Variants in NDUFAF7 observed in about 807,000 individuals in gnomAD.
NDUFAF7 encodes the protein protein arginine methyltransferase NDUFAF7, mitochondrial.
A neutral mutation model predicts 47.2 loss-of-function variants in NDUFAF7; 48 were observed. That is an observed-to-expected ratio of 1.02 (90% CI 0.81 to 1.29). The LOEUF (loss-of-function observed/expected upper bound fraction) is 1.29, where lower values mean the gene tolerates loss of function less well. Ranked by LOEUF, NDUFAF7 falls within the 50% of genes most tolerant of loss-of-function variation. The pLI, the probability that NDUFAF7 is intolerant of heterozygous loss-of-function variation, is 0.00. For synonymous variants in NDUFAF7, 217 were observed against 190.0 expected (o/e 1.14, Z -1.17); for missense variants, 635 against 537.6 (o/e 1.18, Z -1.79).
rs765851936 is a variant in NDUFAF7 at position 37,237,830 on chromosome 2, G to T, written c.371G>T (p.Gly124Val). The change falls in exon 4 of 10, where the codon GGC becomes GTC. Residue 124 changes from glycine to valine, a missense_variant. Coordinates refer to ENST00000002125, the MANE Select transcript of NDUFAF7 (RefSeq NM_144736.5). Reference sequence around the variant, plus strand: ...ACAGCTTTCCAGCTGGTGGAACTGGGCCCAGGTAGGGGAACCCTCGTGGGA... The same window carrying T: ...ACAGCTTTCCAGCTGGTGGAACTGGTCCCAGGTAGGGGAACCCTCGTGGGA... ...KSTAFQLVEL[G>V]PGRGTLVGDI... is the part of the protein sequence containing the mutation. 3 of 1,613,650 alleles carry T rather than the reference G, an allele frequency of 1.9e-6. No homozygotes were observed. Among genetic ancestry groups the T allele is most frequent in the Non-Finnish European group, 2.5e-6 (3 of 1,179,588 alleles).
the NDUFAF7 span, among the ~76,000 whole-genome samples, chr2:37,261,632 T>A: frequency 8.6e-3 from 1,290 of 150,734 alleles, 28 homozygotes; most frequent in African/African-American, 0.03. Context: ...AATACAAAAT[T>A]AGCCGGGTGT....
the NDUFAF7 span, among the ~76,000 whole-genome samples, chr2:37,267,150 G>A: frequency 6.6e-6 from 1 of 152,010 alleles, no homozygotes. Context: ...AAACTGGATG[G>A]GTAAAACAGC....
intron 8 of NDUFAF7, 197 bp from the exon 9 acceptor site, chr2:37,247,259 C>G (rs1667027779): frequency 3.1e-6 from 2 of 644,440 alleles, no homozygotes; most frequent in Admixed American, 2.8e-5. Context: ...TGTAGTGTAT[C>G]TCAGGTGATT....
chr2:37,256,974 T>C (rs779457932), downstream of NDUFAF7: 2 of 1,596,300 alleles, frequency 1.3e-6, no homozygotes, highest in Admixed American at 1.7e-5. Flanking sequence ...TAGTGTTATA[T>C]ATGTAACTAC....
intron 4 of NDUFAF7, among the ~76,000 whole-genome samples, chr2:37,239,021 A>G (rs367999397): frequency 1.3e-5 from 2 of 152,110 alleles, no homozygotes; most frequent in East Asian, 1.9e-4. Flanking sequence ...AAAGTCTGTC[A>G]ACACCAAGTA....
rs569985642 is a variant in NDUFAF7 at position 37,239,610 on chromosome 2, G to A, written c.408+1743G>A. 1.4e-4 allele frequency among the ~76,000 whole-genome samples: 22 copies of A among 152,264 alleles called. No homozygotes were observed. The East Asian group carries it at 2.1e-3, about 15-fold the overall frequency. On this transcript the variant is annotated intron_variant, in intron 4 of 9. Transcript: ENST00000002125. ...GAAAATAACAGCACAAATGCCCATCGGGGGGTAAATGAATCAGTTAATTGT... is the reference window on the plus strand; with the variant it reads ...GAAAATAACAGCACAAATGCCCATCAGGGGGTAAATGAATCAGTTAATTGT...
chr2:37,252,359 G>C, downstream of NDUFAF7: 1 of 152,204 alleles, frequency 6.6e-6, no homozygotes, highest in East Asian at 1.9e-4. Flanking sequence ...GATGGTGTCA[G>C]TCAGAACATG....
Position 37,236,157 on chromosome 2 carries a change from T to G in NDUFAF7, c.278T>G (p.Ile93Arg), listed in dbSNP as rs1164800527. Residue 93 changes from isoleucine (I) to arginine (R), a missense_variant, in exon 3 of 10, where the codon ATA (isoleucine) becomes AGA (arginine). Transcript: ENST00000002125. ...GGAGATTTCATTACTTCACCTGAAA[T>G]AAGTCAAATCTTTGGGGAGGTAATA... Reference protein sequence around the residue: ...EKGDFITSPEISQIFGELLGI... With the variant: ...EKGDFITSPERSQIFGELLGI... The G allele has an allele frequency of 6.2e-7, 1 of 1,611,624 alleles. No individual in the cohort carries two copies. The highest frequency in any genetic ancestry group is 1.3e-5 in the African/African-American group (1 of 74,862).
At chr2:37,253,430 T>C (rs530498557), downstream of NDUFAF7, 17 of 1,298,554 alleles carry the variant, frequency 1.3e-5, no homozygotes, top group Non-Finnish European at 1.6e-5. Context: ...TGTTTTTTTT[T>C]GTTGTTGTTT....
At position 37,236,120 on chromosome 2, in the gene NDUFAF7, C is replaced by G. The variant is rs1444481293; in HGVS notation, c.241C>G (p.Leu81Val). 5 of 1,613,092 alleles carry G rather than the reference C, an allele frequency of 3.1e-6. No homozygotes were observed. Among genetic ancestry groups the G allele is most frequent in the Admixed American group, 1.7e-5 (1 of 59,984 alleles). The stretch of plus-strand genomic sequence containing the variant: ...GGGTTATTATGTGTACCGTGACATG[C>G]TAGGCGAAAAAGGAGATTTCATTAC... ...AKGYYVYRDM[L>V]GEKGDFITSP... The change falls in exon 3 of 10, where the codon CTA becomes GTA. Residue 81 changes from leucine to valine, a missense_variant. Transcript: ENST00000002125.
At position 37,248,674 on chromosome 2, in the gene NDUFAF7, G is replaced by A; in HGVS notation, c.*324G>A. On this transcript the variant is annotated 3_prime_UTR_variant, in exon 10 of 10. Transcript: ENST00000002125. ...TCATGCCTGTAATCCCAGCACTTTG[G>A]GAGGCTGAGGTGGGCATATCACCTG... The A allele has an allele frequency of 2.8e-6, 1 of 352,304 alleles. No homozygotes were observed. The highest frequency in any genetic ancestry group is 2.3e-5 in the South Asian group (1 of 43,134). 21.8% of individuals were successfully genotyped at this position (352,304 alleles called of 1,614,324 possible). A position where few individuals can be genotyped will look rare whatever the true frequency, so the allele number is the denominator to read the frequency against.
chr2:37,249,558 GACACACACACACACAC>G (rs56374800), downstream of NDUFAF7, among the ~76,000 whole-genome samples: 1,304 of 128,492 alleles, frequency 0.01, 30 homozygotes, highest in African/African-American at 0.037. Flanking sequence ...GCCTGTGATA[GACACACACACACACAC>G]ACACACACAC....
the NDUFAF7 span, chr2:37,269,481 G>GA: frequency 1.4e-6 from 1 of 711,426 alleles, no homozygotes; most frequent in Non-Finnish European, 2.5e-6. Context: ...GGATTTAGCT[G>GA]AAAGATAACA....
At chr2:37,270,901 C>G in the NDUFAF7 span, among the ~76,000 whole-genome samples, 2 of 152,142 alleles carry the variant, frequency 1.3e-5, no homozygotes, top group African/African-American at 2.4e-5. Flanking sequence ...TCCTTTTCCC[C>G]CATGACATGG....
At chr2:37,266,392 C>G in the NDUFAF7 span, among the ~76,000 whole-genome samples, 4 of 152,130 alleles carry the variant, frequency 2.6e-5, no homozygotes, top group Admixed American at 2.6e-4. Flanking sequence ...ATGGCATGAT[C>G]TCAGCTCACT....
intron 2 of NDUFAF7, among the ~76,000 whole-genome samples, chr2:37,235,085 T>A (rs2540977): frequency 0.72 from 109,503 of 151,956 alleles, 40,369 homozygotes; most frequent in East Asian, 0.98. Flanking sequence ...AGAGACAAAT[T>A]AGCTCAGAAA....
In NDUFAF7 at chr2:37,236,140, C is replaced by T. The variant is rs780742152; in HGVS notation, c.261C>T (p.Phe87=). ...YRDMLGEKGD[F]ITSPEISQIF... ...ACATGCTAGGCGAAAAAGGAGATTT[C>T]ATTACTTCACCTGAAATAAGTCAAA... Residue 87 remains phenylalanine, a synonymous_variant, in exon 3 of 10, where the codon TTC becomes TTT. Transcript: ENST00000002125. 1.9e-5 allele frequency: 30 copies of T among 1,613,042 alleles called. No individual in the cohort carries two copies. The highest frequency in any genetic ancestry group is 1.6e-4 in the Middle Eastern group (1 of 6,084).
chr2:37,232,251 G>C lies in NDUFAF7; in HGVS notation c.201G>C (p.Leu67Phe). 1 of 1,613,076 alleles carries C rather than the reference G, an allele frequency of 6.2e-7. No homozygotes were observed. Residue 67 changes from leucine to phenylalanine, a missense_variant, in exon 2 of 10, where the codon TTG becomes TTC. Coordinates refer to ENST00000002125, the MANE Select transcript of NDUFAF7 (RefSeq NM_144736.5). Reference sequence around the variant, plus strand: ...TGGCCGAGTACATGAAGGAGGTGTTGACTAATCCAGCCAAGGTATGGGTCG... The same window carrying C: ...TGGCCGAGTACATGAAGGAGGTGTTCACTAATCCAGCCAAGGTATGGGTCG... The part of the protein sequence containing the change: ...ITVAEYMKEV[L>F]TNPAKGYYVY...
chr2:37,261,703 C>T, the NDUFAF7 span, among the ~76,000 whole-genome samples: 1 of 152,190 alleles, frequency 6.6e-6, no homozygotes, highest in Non-Finnish European at 1.5e-5. Context: ...TTGCTTGAAC[C>T]TGGGAGGCAG....
Sources: gnomAD v4.1 joint callset for allele counts (sites outside exome capture counted in the v4.1 genomes callset) on GRCh38, gnomAD v4.1.1 for gene constraint, MANE v1.5 for transcripts, NCBI Gene and HGNC (gene_info 2026-07-23, HGNC 2026-07-21) for gene names.